Variants in STAU2 observed in about 807,000 individuals in gnomAD.
STAU2 encodes the protein double-stranded RNA-binding protein Staufen homolog 2.
STAU2 carries 20 observed loss-of-function variants against 65.9 expected under a neutral mutation model. That is an observed-to-expected ratio of 0.30 (90% confidence interval 0.21 to 0.44). STAU2 has a LOEUF of 0.44. STAU2 is among the 20% of genes least tolerant of loss of function. The pLI is 1.00. For missense variants in STAU2, 558 were observed against 683.9 expected, an observed-to-expected ratio of 0.82 and a Z score of 2.05; for synonymous variants, 232 against 233.9, an observed-to-expected ratio of 0.99 and a Z score of 0.07.
At chr8:73,605,858 C>CACACACATACAT (rs1811978537) in intron 9 of STAU2, among the ~76,000 whole-genome samples, 1 of 77,606 alleles carries the variant, frequency 1.3e-5, no homozygotes, top group Non-Finnish European at 2.4e-5. Flanking sequence ...CACACACACA[C>CACACACATACAT]ACACACACAC....
At chr8:73,678,777 A>T (rs1044771596) in intron 5 of STAU2, among the ~76,000 whole-genome samples, 2 of 152,194 alleles carry the variant, frequency 1.3e-5, no homozygotes, top group African/African-American at 4.8e-5. Context: ...TGAAGAGAAT[A>T]AGTTTTTTTT....
rs1805496662 is a variant in STAU2 at position 73,527,016 on chromosome 8, A to G, written c.1530+24996T>C. ...TTTTGGTCAATAACAGACCACAAAT[A>G]TAATGGTGCTCCCAGAAGGTTACAA... On this transcript the variant is annotated intron_variant, in intron 13 of 14. Transcript: ENST00000524300. Among the ~76,000 whole-genome samples the G allele has an allele frequency of 1.3e-5, 2 of 152,236 alleles. 1 individual carries two copies. The highest frequency in any genetic ancestry group is 4.1e-4 in the South Asian group (2 of 4,830).
intron 14 of STAU2, among the ~76,000 whole-genome samples, chr8:73,421,769 A>C (rs1159958313): frequency 6.6e-6 from 1 of 152,190 alleles, no homozygotes; most frequent in Non-Finnish European, 1.5e-5. Context: ...TTTTCTTATT[A>C]AAAATTTTTT....
At chr8:73,652,414 ACTGTTATTT>A (rs1815962350) in intron 6 of STAU2, 1 of 152,086 alleles carries the variant, frequency 6.6e-6, no homozygotes, top group Non-Finnish European at 1.5e-5. Context: ...ATTTATTAAA[ACTGTTATTT>A]CTGGCCAGGC....
chr8:73,580,111 T>C (rs1200943181), intron 12 of STAU2, among the ~76,000 whole-genome samples: 1 of 152,202 alleles, frequency 6.6e-6, no homozygotes, highest in Non-Finnish European at 1.5e-5. Flanking sequence ...AATTTCGTAT[T>C]ATTTATCCAA....
chr8:73,652,331 AAAAG>A (rs1405383288), intron 6 of STAU2: 2 of 152,202 alleles, frequency 1.3e-5, no homozygotes, highest in Non-Finnish European at 2.9e-5. Flanking sequence ...TTCCACATTC[AAAAG>A]AAAGACTAAA....
chr8:73,502,761 G>A (rs532276175), intron 13 of STAU2, among the ~76,000 whole-genome samples: 2 of 152,004 alleles, frequency 1.3e-5, no homozygotes, highest in African/African-American at 4.8e-5. Context: ...TGTTGTTGTT[G>A]TTGTTTACAT....
At chr8:73,575,533 A>T (rs1319128541) in intron 12 of STAU2, among the ~76,000 whole-genome samples, 2 of 152,296 alleles carry the variant, frequency 1.3e-5, no homozygotes, top group East Asian at 3.9e-4. Context: ...TTACTTATGT[A>T]TGAGGTTTTT....
At chr8:73,508,907 T>C (rs1359803627) in intron 13 of STAU2, among the ~76,000 whole-genome samples, 1 of 152,234 alleles carries the variant, frequency 6.6e-6, no homozygotes, top group Non-Finnish European at 1.5e-5. Context: ...AACCAGTTGA[T>C]GGACATTTGA....
rs141215900 is a variant in STAU2 at position 73,635,888 on chromosome 8, ATCTC to A, written c.411-18441_411-18438del. ...ATATTCTATGTATAAAACTGTTCGA[ATCTC>A]TATCTGACCCCTGAACCACACACAC... is the stretch of plus-strand genomic sequence containing the variant. On this transcript the variant is annotated intron_variant, in intron 6 of 14. Transcript: ENST00000524300. Among the ~76,000 whole-genome samples the A allele has an allele frequency of 6.5e-3, 949 of 145,774 alleles. 17 individuals carry two copies. Among genetic ancestry groups the A allele is most frequent in the African/African-American group, 0.023 (903 of 39,038 alleles).
chr8:73,691,942 C>G (rs1245576694), intron 4 of STAU2, among the ~76,000 whole-genome samples: 1 of 152,128 alleles, frequency 6.6e-6, no homozygotes, highest in Non-Finnish European at 1.5e-5. Flanking sequence ...GGCCAGTCAC[C>G]AGAAAAACTA....
intron 4 of STAU2, among the ~76,000 whole-genome samples, chr8:73,699,597 C>T (rs1220529988): frequency 6.6e-6 from 1 of 151,980 alleles, no homozygotes; most frequent in Non-Finnish European, 1.5e-5. Context: ...TAGACACATA[C>T]ACCCTACAAA....
chr8:73,549,951 G>GGGTT lies in STAU2; in HGVS notation c.1530+2057_1530+2060dup, dbSNP rs1807207127. 6 of 985,670 alleles carry GGGTT rather than the reference G, an allele frequency of 6.1e-6. No individual in the cohort carries two copies. The South Asian group carries it at 2.8e-4, about 46-fold the overall frequency. 61.1% of individuals were successfully genotyped at this position (985,670 alleles called of 1,614,324 possible). The stretch of plus-strand genomic sequence containing the variant: ...TTCTACCAGGTAAATATACCTGAGA[G>GGGTT]GGTTACCTATAAAGAAATAGGCTTT... On this transcript the variant is annotated intron_variant, in intron 13 of 14. Coordinates refer to ENST00000524300, the MANE Select transcript of STAU2 (RefSeq NM_001164380.2).
chr8:73,544,338 C>T (rs1293929576), intron 13 of STAU2, among the ~76,000 whole-genome samples: 2 of 152,314 alleles, frequency 1.3e-5, no homozygotes, highest in Non-Finnish European at 2.9e-5. Flanking sequence ...CTGTCTCTTT[C>T]TTGTCTAGTT....
At chr8:73,671,739 T>C (rs1412147982) in intron 6 of STAU2, among the ~76,000 whole-genome samples, 2 of 152,180 alleles carry the variant, frequency 1.3e-5, no homozygotes. Flanking sequence ...AAAATCATTT[T>C]GTGCCAGGCA....
chr8:73,496,300 T>C (rs1250208469), intron 13 of STAU2, among the ~76,000 whole-genome samples: 1 of 151,580 alleles, frequency 6.6e-6, no homozygotes, highest in Non-Finnish European at 1.5e-5. Context: ...TACTAAAATA[T>C]GCATACACAG....
At chr8:73,537,619 T>C (rs1245315422) in intron 13 of STAU2, among the ~76,000 whole-genome samples, 1 of 152,012 alleles carries the variant, frequency 6.6e-6, no homozygotes, top group Non-Finnish European at 1.5e-5. Flanking sequence ...AGAAAAAATA[T>C]CCCTGAGGAA....
chr8:73,742,296 T>TCTGAGGCGGACGGATCAC (rs1256022603), intron 1 of STAU2: 2 of 941,416 alleles, frequency 2.1e-6, no homozygotes, highest in Non-Finnish European at 2.5e-6. Flanking sequence ...ACTTTTGGAG[T>TCTGAGGCGGACGGATCAC]CTGAGGCGGA....
At chr8:73,602,584 T>C (rs1811711208) in intron 10 of STAU2, among the ~76,000 whole-genome samples, 1 of 151,926 alleles carries the variant, frequency 6.6e-6, no homozygotes, top group Non-Finnish European at 1.5e-5. Flanking sequence ...TAGCTGGCCA[T>C]GGTAGTGTAT....
Sources: allele counts gnomAD v4.1 joint callset (sites outside exome capture counted in the v4.1 genomes callset), GRCh38; gene constraint gnomAD v4.1.1; transcripts MANE v1.5; gene names NCBI Gene and HGNC (gene_info 2026-07-23, HGNC 2026-07-21).